The following CADM2 variants were observed in gnomAD, a reference collection of about 807,000 sequenced individuals.
CADM2 encodes the protein immunoglobulin superfamily member 4D.
CADM2 carries 12 observed loss-of-function variants against 49.8 expected under a neutral mutation model. The observed-to-expected ratio is 0.24, with a 90% CI of 0.15 to 0.39. CADM2 has a LOEUF of 0.39. CADM2 is among the 10% of genes least tolerant of loss of function. The pLI, the probability that CADM2 is intolerant of heterozygous loss-of-function variation, is 1.00. For missense variants in CADM2, 378 were observed against 492.3 expected (o/e 0.77, Z 2.20); for synonymous variants, 214 against 175.4 (o/e 1.22, Z -1.74).
intron 1 of CADM2, among the ~76,000 whole-genome samples, chr3:85,047,573 G>C (rs1349479847): frequency 6.6e-6 from 1 of 152,120 alleles, no homozygotes; most frequent in Non-Finnish European, 1.5e-5. Context: ...AATACATACT[G>C]TATGCTAGAA....
intron 8 of CADM2, among the ~76,000 whole-genome samples, chr3:85,984,092 T>G (rs570918464): frequency 1.3e-5 from 2 of 149,778 alleles, no homozygotes; most frequent in South Asian, 4.2e-4. Flanking sequence ...ATGTTATATA[T>G]GATATATGCT....
At chr3:85,516,437 A>T (rs2060905369) in intron 1 of CADM2, among the ~76,000 whole-genome samples, 1 of 152,200 alleles carries the variant, frequency 6.6e-6, no homozygotes, top group Non-Finnish European at 1.5e-5. Context: ...AAGGAAACAT[A>T]AATAAGTTGG....
chr3:85,940,164 CAAAAAA>C (rs10527231), intron 7 of CADM2, among the ~76,000 whole-genome samples: 12 of 52,172 alleles, frequency 2.3e-4, no homozygotes, highest in Admixed American at 5.5e-4. Context: ...ACTAAAAATA[CAAAAAA>C]AAAAAAAAAA....
chr3:85,309,105 C>T (rs1244580369), intron 1 of CADM2, among the ~76,000 whole-genome samples: 2 of 151,980 alleles, frequency 1.3e-5, no homozygotes, highest in Non-Finnish European at 2.9e-5. Context: ...GCCAAAGTTA[C>T]ACGTGCCATA....
chr3:85,029,543 A>C (rs1415444646), intron 1 of CADM2, among the ~76,000 whole-genome samples: 2 of 152,184 alleles, frequency 1.3e-5, no homozygotes, highest in African/African-American at 4.8e-5. Context: ...TATGAATTTG[A>C]AAGGTATATA....
intron 1 of CADM2, among the ~76,000 whole-genome samples, chr3:85,181,702 A>G (rs529568563): frequency 3.3e-5 from 5 of 151,954 alleles, no homozygotes; most frequent in African/African-American, 1.2e-4. Context: ...TCAAATGTTC[A>G]TAGAGATATT....
In CADM2 at chr3:85,781,074, G is replaced by C. The variant is rs544735275; in HGVS notation, c.89-20973G>C. ...TGGCAACTAACTGTAGATGCATTAA[G>C]AAGCACAGCCAAGATCACAAGAACT... On this transcript the variant is annotated intron_variant, in intron 2 of 9. Coordinates refer to ENST00000383699, the MANE Select transcript of CADM2 (RefSeq NM_001167675.2). Among the ~76,000 whole-genome samples, 8 of 152,264 alleles carry C rather than the reference G, an allele frequency of 5.3e-5. No homozygotes were observed. In the South Asian group the frequency reaches 1.2e-3, roughly 24 times the overall value.
intron 3 of CADM2, among the ~76,000 whole-genome samples, chr3:85,814,333 GTC>G (rs1218327923): frequency 6.6e-6 from 1 of 151,718 alleles, no homozygotes; most frequent in African/African-American, 2.4e-5. Flanking sequence ...TCATGATTTG[GTC>G]TCTGTTTGTA....
rs571300651 is a variant in CADM2 at position 85,767,845 on chromosome 3, G to C, written c.89-34202G>C. ...AGAAATAAAATTATAAAAGATGCTG[G>C]TAGAGCTACCTGTTTAATAAGTGAT... On this transcript the variant is annotated intron_variant, in intron 2 of 9. Transcript: ENST00000383699. Among the ~76,000 whole-genome samples the C allele has an allele frequency of 2.0e-5, 3 of 152,180 alleles. No individual in the cohort carries two copies. In the East Asian group the frequency reaches 5.8e-4, roughly 29 times the overall value.
At chr3:85,265,124 G>A (rs1374268780) in intron 1 of CADM2, among the ~76,000 whole-genome samples, 2 of 151,884 alleles carry the variant, frequency 1.3e-5, no homozygotes, top group African/African-American at 4.8e-5. Flanking sequence ...ATTTAAATAG[G>A]TTATAGCAAG....
chr3:85,515,648 C>A, intron 1 of CADM2, among the ~76,000 whole-genome samples: 1 of 119,406 alleles, frequency 8.4e-6, no homozygotes, highest in Non-Finnish European at 1.7e-5. Flanking sequence ...TTTTTTGTAT[C>A]TTTAGTAGAG....
At chr3:85,081,228 G>C (rs1200422405) in intron 1 of CADM2, among the ~76,000 whole-genome samples, 1 of 152,210 alleles carries the variant, frequency 6.6e-6, no homozygotes, top group African/African-American at 2.4e-5. Context: ...GTTGGTGTCT[G>C]TTTCATCAGA....
At chr3:84,961,069 A>T (rs997193622) in intron 1 of CADM2, among the ~76,000 whole-genome samples, 2 of 152,046 alleles carry the variant, frequency 1.3e-5, no homozygotes, top group Admixed American at 6.5e-5. Flanking sequence ...TATTTGCAGG[A>T]AAGGTAAGTT....
intron 1 of CADM2, among the ~76,000 whole-genome samples, chr3:85,127,163 G>A (rs1397321807): frequency 6.6e-6 from 1 of 151,936 alleles, no homozygotes; most frequent in East Asian, 1.9e-4. Flanking sequence ...ATTTTTTAAA[G>A]GGTGATTAAA....
intron 8 of CADM2, among the ~76,000 whole-genome samples, chr3:86,048,572 T>G (rs1029466180): frequency 6.6e-6 from 1 of 152,120 alleles, no homozygotes; most frequent in African/African-American, 2.4e-5. Context: ...CTATTAAAAT[T>G]TAAATGGTAA....
At chr3:85,609,735 G>T (rs1007554492) in intron 1 of CADM2, among the ~76,000 whole-genome samples, 1 of 152,034 alleles carries the variant, frequency 6.6e-6, no homozygotes, top group African/African-American at 2.4e-5. Context: ...CACAGCCAAG[G>T]TGTTGTTTTA....
chr3:85,627,241 C>T (rs999656151), intron 1 of CADM2, among the ~76,000 whole-genome samples: 5 of 151,872 alleles, frequency 3.3e-5, no homozygotes, highest in South Asian at 2.1e-4. Context: ...GTGAGTTTCC[C>T]GACTCTGGCT....
chr3:85,093,369 G>A (rs896190345), intron 1 of CADM2, among the ~76,000 whole-genome samples: 7 of 151,740 alleles, frequency 4.6e-5, no homozygotes, highest in East Asian at 1.9e-4. Context: ...AAATTAGCTC[G>A]GCGTGGTGGT....
chr3:85,087,815 C>A (rs1031136108), intron 1 of CADM2, among the ~76,000 whole-genome samples: 4 of 152,112 alleles, frequency 2.6e-5, no homozygotes, highest in African/African-American at 9.7e-5. Flanking sequence ...TATTCTTACA[C>A]ATCCTAAAGG....
Sources: allele counts gnomAD v4.1 joint callset (sites outside exome capture counted in the v4.1 genomes callset), GRCh38; gene constraint gnomAD v4.1.1; transcripts MANE v1.5; gene names NCBI Gene and HGNC (gene_info 2026-07-23, HGNC 2026-07-21).